The following SUMF1 variants were observed in gnomAD, a reference collection of about 807,000 sequenced individuals.
SUMF1 encodes the protein sulfatase modifying factor 1.
In SUMF1, 48 loss-of-function variants were observed where a neutral mutation model predicts 47.6. The observed-to-expected ratio is 1.01, with a 90% CI of 0.80 to 1.28. The LOEUF (loss-of-function observed/expected upper bound fraction) is 1.28. SUMF1 is among the 50% of genes most tolerant of loss of function. The pLI is 0.00. For missense variants in SUMF1, 571 were observed against 485.4 expected (o/e 1.18, Z -1.66); for synonymous variants, 230 against 192.1 (o/e 1.20, Z -1.63).
intron 8 of SUMF1, among the ~76,000 whole-genome samples, chr3:4,078,333 A>T (rs1051591288): frequency 1.3e-5 from 2 of 151,880 alleles, no homozygotes; most frequent in Admixed American, 6.6e-5. Flanking sequence ...AACTCAAACT[A>T]TCCACTACCT....
Position 4,117,072 on chromosome 3 carries a change from A to G in SUMF1, c.1015-48327T>C, listed in dbSNP as rs150205174. Reference sequence around the variant, plus strand: ...ATGTTTACTGACACAAGATATTCATAATATTTTATAGAAGTGTAGATAATG... The same window carrying G: ...ATGTTTACTGACACAAGATATTCATGATATTTTATAGAAGTGTAGATAATG... On this transcript the variant is annotated intron_variant and NMD_transcript_variant, in intron 8 of 12. Transcript: ENST00000448413. Among the ~76,000 whole-genome samples the G allele has an allele frequency of 1.4e-3, 220 of 152,284 alleles. 1 individual carries two copies. The highest frequency in any genetic ancestry group is 5.2e-3 in the African/African-American group (215 of 41,542).
chr3:4,386,819 T>G (rs1214501330), intron 7 of SUMF1, among the ~76,000 whole-genome samples: 1 of 152,094 alleles, frequency 6.6e-6, no homozygotes, highest in Non-Finnish European at 1.5e-5. Flanking sequence ...TAAATGAGTG[T>G]TGAAGTTTGT....
chr3:4,064,651 C>G lies in SUMF1; in HGVS notation c.1191+3918G>C, dbSNP rs1574852090. ...AAGAACCCTCTCTTGAGGTATGGGT[C>G]AGGACCCCTTTTCAGTAACAGCCTG... On this transcript the variant is annotated intron_variant and NMD_transcript_variant, in intron 9 of 12. Coordinates refer to the SUMF1 transcript ENST00000448413. Among the ~76,000 whole-genome samples, 4 of 152,080 alleles carry G rather than the reference C, an allele frequency of 2.6e-5. No individual in the cohort carries two copies. In the South Asian group the frequency reaches 8.3e-4, roughly 32 times the overall value.
chr3:4,319,373 A>G (rs1239016457), intron 8 of SUMF1, among the ~76,000 whole-genome samples: 1 of 152,196 alleles, frequency 6.6e-6, no homozygotes, highest in Non-Finnish European at 1.5e-5. Context: ...GGAGAATGGG[A>G]GATAAAGTCT....
rs185729858 is a variant in SUMF1 at position 4,233,916 on chromosome 3, T to G, written c.1014+142414A>C. On this transcript the variant is annotated intron_variant and NMD_transcript_variant, in intron 8 of 12. Transcript: ENST00000448413. Reference sequence around the variant, plus strand: ...TTTGTACCCAGAGATGCTCCAACATTGACCAGATTCCCCCAGGGACTAGGT... The same window carrying G: ...TTTGTACCCAGAGATGCTCCAACATGGACCAGATTCCCCCAGGGACTAGGT... 1.3e-5 allele frequency among the ~76,000 whole-genome samples: 2 copies of G among 152,270 alleles called. 1 individual carries two copies. The highest frequency in any genetic ancestry group is 3.9e-4 in the East Asian group (2 of 5,182).
chr3:4,044,900 A>G (rs1170381073), intron 9 of SUMF1, among the ~76,000 whole-genome samples: 1 of 152,242 alleles, frequency 6.6e-6, no homozygotes. Context: ...AGAATATTAT[A>G]TGAAATTTAA....
Position 4,362,026 on chromosome 3 carries a change from G to A in SUMF1, c.*118C>T. 7.2e-6 allele frequency: 7 copies of A among 977,038 alleles called. No individual in the cohort carries two copies. The highest frequency in any genetic ancestry group is 1.1e-5 in the Non-Finnish European group (7 of 630,378). 60.5% of individuals were successfully genotyped at this position (977,038 alleles called of 1,614,324 possible). A position where few individuals can be genotyped will look rare whatever the true frequency, so the allele number is the denominator to read the frequency against. ...GGCGGTTCCTTTGGCCATTGGGCAG[G>A]TATGTAACCCACCTCAGGGTGGGAA... is the stretch of plus-strand genomic sequence containing the variant. On this transcript the variant is annotated 3_prime_UTR_variant, in exon 9 of 9. Coordinates refer to ENST00000272902, the MANE Select transcript of SUMF1 (RefSeq NM_182760.4).
chr3:4,074,283 G>A (rs1692360239), intron 8 of SUMF1, among the ~76,000 whole-genome samples: 1 of 152,136 alleles, frequency 6.6e-6, no homozygotes, highest in South Asian at 2.1e-4. Context: ...GATATTCTTT[G>A]AAACCAATGA....
At chr3:4,146,046 A>G (rs1694186803) in intron 8 of SUMF1, among the ~76,000 whole-genome samples, 1 of 152,164 alleles carries the variant, frequency 6.6e-6, no homozygotes, top group Admixed American at 6.5e-5. Context: ...CATTTATTCC[A>G]GCAGGCAAGT....
intron 8 of SUMF1, chr3:4,312,777 A>G (rs1406844452): frequency 1.6e-5 from 19 of 1,153,498 alleles, no homozygotes; most frequent in Non-Finnish European, 1.8e-5. Flanking sequence ...CTGTGTTTTG[A>G]CAGTTTTGTC....
At chr3:4,428,240 G>C (rs1031240472) in intron 3 of SUMF1, among the ~76,000 whole-genome samples, 3 of 151,802 alleles carry the variant, frequency 2.0e-5, no homozygotes, top group African/African-American at 4.8e-5. Flanking sequence ...AATATATAGA[G>C]ACACCCACCC....
At position 4,174,566 on chromosome 3, in the gene SUMF1, G is replaced by A. The variant is rs548690741; in HGVS notation, c.1015-105821C>T. Among the ~76,000 whole-genome samples the A allele has an allele frequency of 2.0e-4, 31 of 151,890 alleles. No homozygotes were observed. The South Asian group carries it at 2.9e-3, about 14-fold the overall frequency. On this transcript the variant is annotated intron_variant and NMD_transcript_variant, in intron 8 of 12. Coordinates refer to the SUMF1 transcript ENST00000448413. ...CTAAAAACACACACACATGGGGGGC[G>A]TTCCAAGATGGCCGAATAGGAACAG...
At chr3:4,169,367 G>A (rs187868640) in intron 8 of SUMF1, among the ~76,000 whole-genome samples, 49 of 152,180 alleles carry the variant, frequency 3.2e-4, no homozygotes, top group African/African-American at 1.1e-3. Flanking sequence ...AATATGACTA[G>A]TATCTTTATA....
chr3:4,350,438 T>C (rs1699476117), intron 8 of SUMF1, among the ~76,000 whole-genome samples: 1 of 152,026 alleles, frequency 6.6e-6, no homozygotes, highest in South Asian at 2.1e-4. Context: ...AGTATAAATG[T>C]TTGTAAATAC....
chr3:4,098,732 GC>G (rs1692962384), intron 8 of SUMF1, among the ~76,000 whole-genome samples: 1 of 152,072 alleles, frequency 6.6e-6, no homozygotes, highest in Non-Finnish European at 1.5e-5. Flanking sequence ...TCCTCCATCT[GC>G]CAAGAGGCAT....
chr3:4,172,131 T>C (rs181347075), intron 8 of SUMF1, among the ~76,000 whole-genome samples: 5 of 152,162 alleles, frequency 3.3e-5, no homozygotes, highest in African/African-American at 9.6e-5. Context: ...GAACGAAAAA[T>C]ACTTAAATGA....
intron 8 of SUMF1, among the ~76,000 whole-genome samples, chr3:4,240,395 C>A (rs776735955): frequency 6.6e-6 from 1 of 151,882 alleles, no homozygotes. Flanking sequence ...TGGTCCTGGG[C>A]GTTTCTTGGA....
At chr3:4,054,900 T>A (rs1021045142) in intron 9 of SUMF1, among the ~76,000 whole-genome samples, 1 of 152,160 alleles carries the variant, frequency 6.6e-6, no homozygotes, top group Admixed American at 6.5e-5. Flanking sequence ...CATGTTACAA[T>A]GAAGAAAATT....
intron 7 of SUMF1, among the ~76,000 whole-genome samples, chr3:4,384,273 G>C (rs989510215): frequency 2.0e-5 from 3 of 152,082 alleles, no homozygotes; most frequent in African/African-American, 7.2e-5. Flanking sequence ...CCTTTATTAT[G>C]GGTAACCGTT....
Sources: allele counts gnomAD v4.1 joint callset (sites outside exome capture counted in the v4.1 genomes callset), GRCh38; gene constraint gnomAD v4.1.1; transcripts MANE v1.5; gene names NCBI Gene and HGNC (gene_info 2026-07-23, HGNC 2026-07-21).